Variants in NUFIP1 observed in about 807,000 individuals in gnomAD.
NUFIP1 encodes the protein nuclear FMR1 interacting protein 1.
A neutral mutation model predicts 56.2 loss-of-function variants in NUFIP1; 38 were observed. That is an observed-to-expected ratio of 0.68 (90% confidence interval 0.52 to 0.89). The LOEUF (loss-of-function observed/expected upper bound fraction) is 0.89, where lower values mean the gene tolerates loss of function less well. Among genes scored for constraint, NUFIP1 ranks in the 40% least tolerant of loss-of-function variants. The pLI, the probability that NUFIP1 is intolerant of heterozygous loss-of-function variation, is 0.00. For missense variants in NUFIP1, 567 were observed against 605.8 expected (o/e 0.94, Z 0.67); for synonymous variants, 215 against 212.4 (o/e 1.01, Z -0.10).
chr13:44,986,621 G>A (rs553763903), intron 1 of NUFIP1, among the ~76,000 whole-genome samples: 2 of 151,594 alleles, frequency 1.3e-5, no homozygotes, highest in South Asian at 4.2e-4. Flanking sequence ...GAACCTGGGA[G>A]GCAGAGCTTG....
At position 44,960,152 on chromosome 13, in the gene NUFIP1, G is replaced by A. The variant is rs1335036593; in HGVS notation, c.828-578C>T. On this transcript the variant is annotated intron_variant, in intron 6 of 9. Coordinates refer to ENST00000379161, the MANE Select transcript of NUFIP1 (RefSeq NM_012345.3). Reference sequence around the variant, plus strand: ...TCACCATGTTGGCCAGGATGGTCTCGATCTTCTGACCTCGTGATCTGCCCA... The same window carrying A: ...TCACCATGTTGGCCAGGATGGTCTCAATCTTCTGACCTCGTGATCTGCCCA... 2.0e-5 allele frequency among the ~76,000 whole-genome samples: 3 copies of A among 152,006 alleles called. No individual in the cohort carries two copies. In the South Asian group the frequency reaches 6.2e-4, roughly 32 times the overall value.
chr13:44,953,517 A>ATAGACTCATGGG (rs1293303220), intron 7 of NUFIP1, among the ~76,000 whole-genome samples: 1 of 152,186 alleles, frequency 6.6e-6, no homozygotes, highest in Non-Finnish European at 1.5e-5. Context: ...TCATATCAGT[A>ATAGACTCATGGG]TAGACTCATG....
chr13:44,949,270 C>G (rs537218455), intron 8 of NUFIP1, among the ~76,000 whole-genome samples: 24 of 128,096 alleles, frequency 1.9e-4, no homozygotes, highest in African/African-American at 6.8e-4. Context: ...GGCGGGATCT[C>G]GGCTCACTGC....
intron 1 of NUFIP1, 63 bp from the exon 2 acceptor site, chr13:44,982,217 T>G (rs1477802485): frequency 3.0e-5 from 22 of 743,170 alleles, no homozygotes; most frequent in Non-Finnish European, 4.2e-5. Flanking sequence ...TAATTAAATT[T>G]TATCTACTAC....
chr13:44,947,040 C>T (rs2137892366), intron 8 of NUFIP1, among the ~76,000 whole-genome samples: 1 of 152,004 alleles, frequency 6.6e-6, no homozygotes, highest in East Asian at 1.9e-4. Flanking sequence ...CATACAAAAT[C>T]TTATATATAG....
chr13:44,986,564 C>T (rs1429880580), intron 1 of NUFIP1, among the ~76,000 whole-genome samples: 1 of 151,848 alleles, frequency 6.6e-6, no homozygotes, highest in Non-Finnish European at 1.5e-5. Context: ...TGGTGGTGGG[C>T]GCCTGTAGTC....
At chr13:44,946,173 C>G (rs1870897333) in intron 8 of NUFIP1, among the ~76,000 whole-genome samples, 1 of 152,110 alleles carries the variant, frequency 6.6e-6, no homozygotes, top group Admixed American at 6.5e-5. Context: ...TGAATCAGAG[C>G]TTATAATTGT....
intron 1 of NUFIP1, among the ~76,000 whole-genome samples, chr13:44,982,950 G>A (rs988294821): frequency 6.6e-6 from 1 of 152,166 alleles, no homozygotes; most frequent in African/African-American, 2.4e-5. Context: ...TGAGGCTGCA[G>A]TAAGCTATGA....
intron 5 of NUFIP1, among the ~76,000 whole-genome samples, chr13:44,967,512 A>G (rs77771191): frequency 2.0e-5 from 3 of 148,364 alleles, no homozygotes; most frequent in Non-Finnish European, 3.0e-5. Context: ...TGTCTCACAG[A>G]AAAAAAAAAA....
chr13:44,954,038 C>T (rs2137898328), intron 7 of NUFIP1, among the ~76,000 whole-genome samples: 1 of 147,030 alleles, frequency 6.8e-6, no homozygotes, highest in Middle Eastern at 3.7e-3. Context: ...AAAGAAAAGT[C>T]CCTGGGATCT....
rs1870660360 is a variant in NUFIP1, at chr13:44,939,528, C to A, written c.*1678G>T. The stretch of plus-strand genomic sequence containing the variant: ...CCAAAACAGGCAAAGCACCCCTCTA[C>A]CCACCCAAAACTCATAGAATATTTA... On this transcript the variant is annotated 3_prime_UTR_variant, in exon 10 of 10. Coordinates refer to ENST00000379161, the MANE Select transcript of NUFIP1 (RefSeq NM_012345.3). 1 of 152,146 alleles carries A rather than the reference C, an allele frequency of 6.6e-6. No homozygotes were observed. The highest frequency in any genetic ancestry group is 2.1e-4 in the South Asian group (1 of 4,826). The allele number at this position is 152,146 out of a possible 1,614,324, so 9.4% of individuals were successfully genotyped here. A position where few individuals can be genotyped will look rare whatever the true frequency, so the allele number is the denominator to read the frequency against.
chr13:44,943,272 C>A (rs1249502936), intron 9 of NUFIP1, among the ~76,000 whole-genome samples, 170 bp downstream of exon 9: 1 of 151,994 alleles, frequency 6.6e-6, no homozygotes, highest in Non-Finnish European at 1.5e-5. Flanking sequence ...ACTGAATATA[C>A]CAGCTATATG....
chr13:44,964,146 T>TA (rs1871515683), intron 6 of NUFIP1, among the ~76,000 whole-genome samples: 1 of 152,106 alleles, frequency 6.6e-6, no homozygotes, highest in Admixed American at 6.5e-5. Context: ...AAAGAAAACA[T>TA]AAAGAAATAG....
intron 9 of NUFIP1, 87 bp downstream of exon 9, chr13:44,943,351 AACAC>A (rs36045762): frequency 1.3e-3 from 1,218 of 926,892 alleles, no homozygotes; most frequent in Admixed American, 2.2e-3. Flanking sequence ...CCTTAAAACA[AACAC>A]ACACACACAC....
intron 7 of NUFIP1, among the ~76,000 whole-genome samples, chr13:44,954,348 C>G (rs371845700): frequency 1.1e-4 from 17 of 152,222 alleles, no homozygotes; most frequent in African/African-American, 3.9e-4. Flanking sequence ...CCACCATCCC[C>G]CCCTAAAAAA....
At chr13:44,945,886 A>G (rs1463893111) in intron 8 of NUFIP1, among the ~76,000 whole-genome samples, 1 of 152,150 alleles carries the variant, frequency 6.6e-6, no homozygotes, top group Non-Finnish European at 1.5e-5. Flanking sequence ...GGCAAAACCC[A>G]TAATACTCAA....
intron 1 of NUFIP1, 120 bp downstream of exon 1, chr13:44,988,905 A>C: frequency 1.0e-6 from 1 of 979,592 alleles, no homozygotes; most frequent in Non-Finnish European, 1.5e-6. Flanking sequence ...TTGAGATGCT[A>C]ATGACCAGAC....
intron 5 of NUFIP1, among the ~76,000 whole-genome samples, chr13:44,969,761 T>C (rs368961053): frequency 6.6e-6 from 1 of 152,212 alleles, no homozygotes; most frequent in African/African-American, 2.4e-5. Context: ...ACCATTATCT[T>C]AGCACAGACC....
chr13:44,988,870 G>T (rs1872537357), intron 1 of NUFIP1, among the ~76,000 whole-genome samples, 155 bp downstream of exon 1: 1 of 151,980 alleles, frequency 6.6e-6, no homozygotes, highest in South Asian at 2.1e-4. Context: ...TATTTTTTTT[G>T]TAGAGACGGG....
Sources: allele counts gnomAD v4.1 joint callset (sites outside exome capture counted in the v4.1 genomes callset), GRCh38; gene constraint gnomAD v4.1.1; transcripts MANE v1.5; gene names NCBI Gene and HGNC (gene_info 2026-07-23, HGNC 2026-07-21).